SUGCT: variants seen among roughly 807,000 people sequenced by gnomAD.
SUGCT encodes the protein succinyl-CoA:glutarate CoA-transferase.
A neutral mutation model predicts 55.0 loss-of-function variants in SUGCT; 41 were observed. That is an observed-to-expected ratio of 0.74 (90% CI 0.58 to 0.97). The LOEUF (loss-of-function observed/expected upper bound fraction) is 0.97. SUGCT is among the 50% of genes least tolerant of loss of function. The probability of loss-of-function intolerance (pLI) is 0.00; values close to 1 mark genes in which losing one functional copy is unlikely to be tolerated. For missense variants in SUGCT, 568 were observed against 547.8 expected (o/e 1.04, Z -0.37); for synonymous variants, 187 against 200.4 (o/e 0.93, Z 0.56).
At chr7:40,325,898 C>CTTTTTTTTTTTTTTTTT (rs71560191) in intron 9 of SUGCT, among the ~76,000 whole-genome samples, 2 of 122,182 alleles carry the variant, frequency 1.6e-5, no homozygotes. Flanking sequence ...GGATGTGCGT[C>CTTTTTTTTTTTTTTTTT]TTTTTTTTTT....
chr7:40,487,744 C>CATT (rs1791461414), intron 11 of SUGCT, among the ~76,000 whole-genome samples: 1 of 151,934 alleles, frequency 6.6e-6, no homozygotes, highest in South Asian at 2.1e-4. Flanking sequence ...GAAGTGACTC[C>CATT]ATTATTATTA....
intron 12 of SUGCT, among the ~76,000 whole-genome samples, chr7:40,727,854 A>G (rs1786684123): frequency 6.6e-6 from 1 of 152,154 alleles, no homozygotes; most frequent in Non-Finnish European, 1.5e-5. Flanking sequence ...ATAAAATTAC[A>G]TTATGCATTT....
intron 13 of SUGCT, among the ~76,000 whole-genome samples, chr7:40,809,048 T>A (rs2128755663): frequency 6.6e-6 from 1 of 152,282 alleles, no homozygotes; most frequent in African/African-American, 2.4e-5. Flanking sequence ...ACAAGATAAA[T>A]TTGGCAGGTA....
At chr7:40,976,839 C>G in the SUGCT span, among the ~76,000 whole-genome samples, 1 of 152,240 alleles carries the variant, frequency 6.6e-6, no homozygotes, top group Non-Finnish European at 1.5e-5. Flanking sequence ...CACTACCTCT[C>G]TAACAGGCTG....
intron 6 of SUGCT, among the ~76,000 whole-genome samples, chr7:40,198,224 T>C (rs1786398294): frequency 6.6e-6 from 1 of 152,184 alleles, no homozygotes; most frequent in African/African-American, 2.4e-5. Context: ...TTCCTGATAA[T>C]GAAACAGATC....
intron 12 of SUGCT, among the ~76,000 whole-genome samples, chr7:40,636,973 T>C (rs1429128023): frequency 6.6e-6 from 1 of 151,608 alleles, no homozygotes; most frequent in Non-Finnish European, 1.5e-5. Context: ...GTGAAAGGAG[T>C]GGTGACTTTT....
the SUGCT span, among the ~76,000 whole-genome samples, chr7:40,991,824 T>C: frequency 6.6e-6 from 1 of 152,028 alleles, no homozygotes; most frequent in African/African-American, 2.4e-5. Flanking sequence ...CGAGCACGTA[T>C]CAGAAGAGCC....
the SUGCT span, among the ~76,000 whole-genome samples, chr7:41,028,062 G>A: frequency 3.3e-5 from 5 of 152,216 alleles, no homozygotes; most frequent in Non-Finnish European, 5.9e-5. Flanking sequence ...ACAGGGTCCA[G>A]CACTTAGGAA....
At chr7:40,343,775 G>T (rs1797172480) in intron 9 of SUGCT, among the ~76,000 whole-genome samples, 1 of 152,050 alleles carries the variant, frequency 6.6e-6, no homozygotes, top group South Asian at 2.1e-4. Flanking sequence ...TCCTGCCTCA[G>T]CCTCCTGAGT....
chr7:40,369,657 A>G (rs1562721484), intron 9 of SUGCT, among the ~76,000 whole-genome samples: 1 of 152,192 alleles, frequency 6.6e-6, no homozygotes, highest in Non-Finnish European at 1.5e-5. Context: ...AGAGGCATGT[A>G]AAGGTTGAAT....
intron 9 of SUGCT, among the ~76,000 whole-genome samples, chr7:40,427,440 A>G (rs1197555290): frequency 6.6e-6 from 1 of 152,138 alleles, no homozygotes; most frequent in Admixed American, 6.6e-5. Flanking sequence ...TTCCCCCTTA[A>G]CATAGTGTGG....
chr7:40,180,124 T>A (rs1369458267), intron 1 of SUGCT, among the ~76,000 whole-genome samples: 1 of 151,244 alleles, frequency 6.6e-6, no homozygotes, highest in Non-Finnish European at 1.5e-5. Flanking sequence ...GTGATTGTGA[T>A]AGTAATTTTT....
the SUGCT span, among the ~76,000 whole-genome samples, chr7:40,959,344 T>C: frequency 6.6e-6 from 1 of 152,230 alleles, no homozygotes; most frequent in Non-Finnish European, 1.5e-5. Context: ...GGCTGCTGCC[T>C]TTCTTTCAGA....
chr7:40,285,780 T>A (rs1478202688), intron 8 of SUGCT, among the ~76,000 whole-genome samples: 1 of 152,152 alleles, frequency 6.6e-6, no homozygotes, highest in Non-Finnish European at 1.5e-5. Flanking sequence ...TTATAATTGG[T>A]TTGTCGGCTA....
chr7:40,976,051 G>T, the SUGCT span, among the ~76,000 whole-genome samples: 1 of 152,182 alleles, frequency 6.6e-6, no homozygotes, highest in Non-Finnish European at 1.5e-5. Flanking sequence ...GTTATGGCTA[G>T]CGTCCTGCAA....
the SUGCT span, among the ~76,000 whole-genome samples, chr7:40,931,000 A>G: frequency 6.6e-6 from 1 of 152,160 alleles, no homozygotes; most frequent in Non-Finnish European, 1.5e-5. Context: ...GTCTTGTGCC[A>G]GTTTTCAAAG....
At chr7:40,658,185 A>G (rs930158676) in intron 12 of SUGCT, among the ~76,000 whole-genome samples, 3 of 152,150 alleles carry the variant, frequency 2.0e-5, no homozygotes, top group African/African-American at 7.2e-5. Context: ...GTTGGCATTT[A>G]TGTTGTTAAT....
chr7:40,569,081 G>A (rs982290492), intron 12 of SUGCT, among the ~76,000 whole-genome samples: 2 of 152,230 alleles, frequency 1.3e-5, no homozygotes, highest in Non-Finnish European at 2.9e-5. Context: ...CAATTCATGT[G>A]AGGAATGGGA....
At chr7:40,595,120 TA>T (rs1251850190) in intron 12 of SUGCT, among the ~76,000 whole-genome samples, 1 of 152,196 alleles carries the variant, frequency 6.6e-6, no homozygotes, top group East Asian at 1.9e-4. Context: ...TACCCTGTGC[TA>T]GGTGCTTCAA....
Sources: allele counts gnomAD v4.1 joint callset (sites outside exome capture counted in the v4.1 genomes callset), GRCh38; gene constraint gnomAD v4.1.1; transcripts MANE v1.5; gene names NCBI Gene and HGNC (gene_info 2026-07-23, HGNC 2026-07-21).